Variants in PPP1R7 observed in about 807,000 individuals in gnomAD.
PPP1R7 encodes the protein protein phosphatase 1 regulatory subunit 22.
Under a neutral mutation model 45.2 loss-of-function variants are expected in PPP1R7, and 18 were observed. That is an observed-to-expected ratio of 0.40 (90% CI 0.28 to 0.59). The LOEUF (loss-of-function observed/expected upper bound fraction) is 0.59, where lower values mean the gene tolerates loss of function less well. Among genes scored for constraint, PPP1R7 ranks in the 20% least tolerant of loss-of-function variants. The probability of loss-of-function intolerance (pLI) is 0.46; values close to 1 mark genes in which losing one functional copy is unlikely to be tolerated. For missense variants in PPP1R7, 314 were observed against 455.8 expected (o/e 0.69, Z 2.83); for synonymous variants, 181 against 183.4 (o/e 0.99, Z 0.11).
At position 241,183,178 on chromosome 2, in the gene PPP1R7, G is replaced by A. The variant is rs969641967; in HGVS notation, c.*355G>A. On this transcript the variant is annotated 3_prime_UTR_variant, in exon 10 of 10. Coordinates refer to ENST00000234038, the MANE Select transcript of PPP1R7 (RefSeq NM_002712.3). ...CACAGGGCCTGAGAGTGCTTTACAGGCATTCACGTGCTGTCCGAGTGGCAT... is the reference window on the plus strand; with the variant it reads ...CACAGGGCCTGAGAGTGCTTTACAGACATTCACGTGCTGTCCGAGTGGCAT... The A allele has an allele frequency of 2.6e-6, 1 of 387,580 alleles. No individual in the cohort carries two copies. 24.0% of individuals were successfully genotyped at this position (387,580 alleles called of 1,614,324 possible).
chr2:241,179,831 A>G (rs913800072), intron 9 of PPP1R7, among the ~76,000 whole-genome samples: 1 of 152,274 alleles, frequency 6.6e-6, no homozygotes, highest in Non-Finnish European at 1.5e-5. Context: ...CAAAGATAAG[A>G]ATCTCTGAAA....
intron 9 of PPP1R7, among the ~76,000 whole-genome samples, chr2:241,178,160 G>A (rs751641763): frequency 3.4e-4 from 52 of 152,220 alleles, no homozygotes; most frequent in Non-Finnish European, 5.7e-4. Context: ...AGGAGAGGCT[G>A]TGTGCCTCCC....
upstream of PPP1R7, chr2:241,149,884 T>C (rs1390534532): frequency 6.9e-7 from 1 of 1,446,412 alleles, no homozygotes; most frequent in Non-Finnish European, 9.0e-7. Context: ...GCCAGCTGGC[T>C]AGCGGCCCCA....
upstream of PPP1R7, chr2:241,149,817 G>C: frequency 2.6e-6 from 4 of 1,530,080 alleles, no homozygotes; most frequent in Admixed American, 2.0e-5. Context: ...AGGCTGCAGC[G>C]TCCGCACTGG....
chr2:241,172,888 GA>G (rs968075092), intron 9 of PPP1R7, among the ~76,000 whole-genome samples: 7 of 151,556 alleles, frequency 4.6e-5, no homozygotes. Context: ...TAGCTTGAGA[GA>G]TTTTTTTTTC....
At chr2:241,158,412 C>A in intron 3 of PPP1R7, 72 bp from the exon 4 acceptor site, 1 of 1,473,288 alleles carries the variant, frequency 6.8e-7, no homozygotes, top group Non-Finnish European at 9.5e-7. Flanking sequence ...ACTTCCAGGC[C>A]GCCTCTTCTA....
intron 6 of PPP1R7, among the ~76,000 whole-genome samples, chr2:241,161,759 G>T (rs544173926): frequency 6.6e-6 from 1 of 152,382 alleles, no homozygotes; most frequent in Admixed American, 6.5e-5. Flanking sequence ...ACTGACATTG[G>T]AGGTGGATCT....
rs909979634 is a variant in PPP1R7, at chr2:241,182,683, G to A, written c.943G>A (p.Asp315Asn). ...DNLLESWSDL[D>N]ELKGARSLET... ...TCTCCTTGAGAGCTGGAGCGACCTC[G>A]ACGAGCTGAAGGGAGCCAGGAGCCT... is the stretch of plus-strand genomic sequence containing the variant. The change falls in exon 10 of 10, where the codon GAC becomes AAC. Residue 315 changes from aspartate (D) to asparagine (N), a missense_variant. Asp to Asn is a conservative substitution (Grantham distance 23, BLOSUM62 1). Coordinates refer to ENST00000234038, the MANE Select transcript of PPP1R7 (RefSeq NM_002712.3). The A allele has an allele frequency of 1.2e-6, 2 of 1,614,168 alleles. No individual in the cohort carries two copies. The highest frequency in any genetic ancestry group is 1.1e-5 in the South Asian group (1 of 91,086).
At chr2:241,173,290 AAAAG>A (rs1178599469) in intron 9 of PPP1R7, among the ~76,000 whole-genome samples, 1 of 141,142 alleles carries the variant, frequency 7.1e-6, no homozygotes, top group Non-Finnish European at 1.6e-5. Context: ...AAAAAAAAAA[AAAAG>A]GACGGGATCT....
At chr2:241,159,072 A>C (rs557319896) in intron 4 of PPP1R7, 141 bp from the exon 5 acceptor site, 17 of 1,072,454 alleles carry the variant, frequency 1.6e-5, no homozygotes, top group Non-Finnish European at 2.2e-5. Flanking sequence ...CTCAAAGGTC[A>C]GCACCTTTCT....
chr2:241,180,483 T>C (rs1285381350), intron 9 of PPP1R7, among the ~76,000 whole-genome samples: 1 of 150,166 alleles, frequency 6.7e-6, no homozygotes, highest in Non-Finnish European at 1.5e-5. Context: ...TTCAAAGCCA[T>C]CCTAGGCCAT....
At chr2:241,169,145 C>A (rs2067771970) in intron 8 of PPP1R7, among the ~76,000 whole-genome samples, 1 of 152,188 alleles carries the variant, frequency 6.6e-6, no homozygotes, top group South Asian at 2.1e-4. Flanking sequence ...GGGCACACAC[C>A]CTGCAGCAGG....
intron 5 of PPP1R7, among the ~76,000 whole-genome samples, chr2:241,159,975 A>G (rs1279440368): frequency 2.0e-5 from 3 of 152,212 alleles, no homozygotes; most frequent in African/African-American, 4.8e-5. Context: ...TTCTGTTTCT[A>G]ATTCAATACT....
intron 4 of PPP1R7, 196 bp from the exon 5 acceptor site, chr2:241,159,017 A>T: frequency 1.6e-6 from 1 of 615,476 alleles, no homozygotes; most frequent in Non-Finnish European, 2.8e-6. Flanking sequence ...GCCCTTCCTC[A>T]GGTGTGTTAA....
upstream of PPP1R7, chr2:241,150,327 G>T: frequency 1.5e-6 from 2 of 1,323,114 alleles, no homozygotes; most frequent in East Asian, 3.1e-5. Flanking sequence ...CGCGGCGCGC[G>T]GCCTCATGAC....
intron 9 of PPP1R7, among the ~76,000 whole-genome samples, chr2:241,176,582 C>T (rs1016034403): frequency 2.6e-5 from 4 of 151,984 alleles, no homozygotes; most frequent in African/African-American, 9.7e-5. Flanking sequence ...CTCAGCCTCC[C>T]AAGTAGTTGG....
rs532764567 is a variant in PPP1R7 at position 241,159,398 on chromosome 2, G to A, written c.434+55G>A. ...ATGGTGGGAAGGCCACTGGGTGGGG[G>A]GTGTCCAGTCTCCAGAGCCAACCTC... On this transcript the variant is annotated intron_variant, in intron 5 of 9. Transcript: ENST00000234038. 1,084 of 1,596,312 alleles carry A rather than the reference G, an allele frequency of 6.8e-4. 1 individual carries two copies. Among genetic ancestry groups the A allele is most frequent in the Non-Finnish European group, 8.8e-4 (1,026 of 1,169,740 alleles).
At chr2:241,157,721 G>A in intron 2 of PPP1R7, 86 bp from the exon 3 acceptor site, 1 of 1,348,846 alleles carries the variant, frequency 7.4e-7, no homozygotes, top group Admixed American at 1.9e-5. Context: ...GCACCAAACA[G>A]CCCCAGACCT....
At chr2:241,177,288 G>A (rs1401003400) in intron 9 of PPP1R7, among the ~76,000 whole-genome samples, 5 of 152,106 alleles carry the variant, frequency 3.3e-5, no homozygotes, top group South Asian at 2.1e-4. Context: ...GTGGTGGCAC[G>A]CGCCTGTAGT....
Sources: gnomAD v4.1 joint callset for allele counts (sites outside exome capture counted in the v4.1 genomes callset) on GRCh38, gnomAD v4.1.1 for gene constraint, MANE v1.5 for transcripts, NCBI Gene and HGNC (gene_info 2026-07-23, HGNC 2026-07-21) for gene names.